CNTN3: variants seen among roughly 807,000 people sequenced by gnomAD.
CNTN3 encodes contactin 3.
Under a neutral mutation model 119.1 loss-of-function variants are expected in CNTN3, and 60 were observed. That is an observed-to-expected ratio of 0.50 (90% CI 0.41 to 0.62). The LOEUF is 0.62. CNTN3 is among the 20% of genes least tolerant of loss of function. CNTN3 has a pLI of 0.00. For missense variants in CNTN3, 1,101 were observed against 1,242.4 expected, an observed-to-expected ratio of 0.89 and a Z score of 1.71; for synonymous variants, 450 against 438.7, an observed-to-expected ratio of 1.03 and a Z score of -0.32.
chr3:74,323,094 A>C (rs1382314727), intron 13 of CNTN3, among the ~76,000 whole-genome samples: 1 of 152,184 alleles, frequency 6.6e-6, no homozygotes, highest in Non-Finnish European at 1.5e-5. Context: ...ACTTGCACCA[A>C]TAGAATGCAC....
intron 11 of CNTN3, among the ~76,000 whole-genome samples, chr3:74,344,974 G>C (rs1160423498): frequency 6.6e-6 from 1 of 152,042 alleles, no homozygotes; most frequent in Non-Finnish European, 1.5e-5. Flanking sequence ...ACCTCTGCTA[G>C]CAATTCCATT....
intron 12 of CNTN3, among the ~76,000 whole-genome samples, chr3:74,335,632 A>G (rs1703374968): frequency 1.3e-5 from 2 of 152,120 alleles, no homozygotes; most frequent in Non-Finnish European, 2.9e-5. Flanking sequence ...CAGTCTAGCC[A>G]GATTTTGGTC....
intron 1 of CNTN3, among the ~76,000 whole-genome samples, chr3:74,551,444 C>G (rs1213185223): frequency 6.6e-6 from 1 of 151,994 alleles, no homozygotes; most frequent in Non-Finnish European, 1.5e-5. Flanking sequence ...CAGGGTGGTA[C>G]ATTTGTTATA....
chr3:74,380,592 T>C (rs967119920), intron 5 of CNTN3, among the ~76,000 whole-genome samples: 4 of 152,238 alleles, frequency 2.6e-5, no homozygotes, highest in Admixed American at 1.3e-4. Context: ...AAATTTTCTT[T>C]AGTACAACCT....
At chr3:74,388,891 T>C (rs1704823506) in intron 5 of CNTN3, among the ~76,000 whole-genome samples, 1 of 152,216 alleles carries the variant, frequency 6.6e-6, no homozygotes, top group Admixed American at 6.5e-5. Context: ...TCATTTCTTA[T>C]GTTAGTTACC....
intron 11 of CNTN3, among the ~76,000 whole-genome samples, chr3:74,349,452 A>T (rs981916803): frequency 1.3e-5 from 2 of 152,238 alleles, no homozygotes; most frequent in Non-Finnish European, 2.9e-5. Context: ...TAGGTTGAGA[A>T]GAAAAGACAT....
intron 4 of CNTN3, among the ~76,000 whole-genome samples, chr3:74,447,663 C>T (rs1702072663): frequency 6.6e-6 from 1 of 152,124 alleles, no homozygotes; most frequent in Admixed American, 6.6e-5. Flanking sequence ...TGATGATACC[C>T]TCACCACCTG....
chr3:74,469,848 G>A (rs1702528447), intron 4 of CNTN3, among the ~76,000 whole-genome samples: 1 of 151,914 alleles, frequency 6.6e-6, no homozygotes, highest in Admixed American at 6.6e-5. Flanking sequence ...CCCACTCTTA[G>A]GTATGTATAT....
At chr3:74,581,152 A>G in intron 1 of CNTN3, among the ~76,000 whole-genome samples, 1 of 152,218 alleles carries the variant, frequency 6.6e-6, no homozygotes, top group African/African-American at 2.4e-5. Flanking sequence ...AGTCAAACTA[A>G]GAAAATAAAA....
intron 5 of CNTN3, among the ~76,000 whole-genome samples, chr3:74,419,455 T>C (rs1701583368): frequency 6.6e-6 from 1 of 152,208 alleles, no homozygotes; most frequent in Admixed American, 6.5e-5. Context: ...TCTGGGCATG[T>C]TGCTAACAGT....
At chr3:74,480,989 A>G (rs1441782419) in intron 4 of CNTN3, among the ~76,000 whole-genome samples, 1 of 151,948 alleles carries the variant, frequency 6.6e-6, no homozygotes, top group African/African-American at 2.4e-5. Flanking sequence ...GAACATAAAA[A>G]TCAGACCGTA....
chr3:74,509,691 T>C (rs1703330268), intron 2 of CNTN3, among the ~76,000 whole-genome samples: 1 of 152,166 alleles, frequency 6.6e-6, no homozygotes, highest in Non-Finnish European at 1.5e-5. Context: ...AATCTCTCTA[T>C]ACTTTTTTGG....
intron 4 of CNTN3, among the ~76,000 whole-genome samples, chr3:74,462,136 T>C (rs1026423836): frequency 6.6e-6 from 1 of 152,086 alleles, no homozygotes; most frequent in Non-Finnish European, 1.5e-5. Context: ...TTCATCCTGC[T>C]CCAGCTACTT....
At chr3:74,291,537 T>G (rs1178213339) in intron 19 of CNTN3, among the ~76,000 whole-genome samples, 12 of 152,132 alleles carry the variant, frequency 7.9e-5, no homozygotes, top group Non-Finnish European at 1.8e-4. Context: ...AGTGTTCCTC[T>G]CTACTAAAAA....
At chr3:74,487,915 C>G (rs75713880) in intron 3 of CNTN3, among the ~76,000 whole-genome samples, 20,081 of 150,786 alleles carry the variant, frequency 0.13, 1,342 homozygotes, top group African/African-American at 0.14. Flanking sequence ...ATACAGTTGA[C>G]GTTTATAATT....
At chr3:74,514,558 T>C (rs767000326) in intron 2 of CNTN3, among the ~76,000 whole-genome samples, 1 of 152,084 alleles carries the variant, frequency 6.6e-6, no homozygotes, top group Non-Finnish European at 1.5e-5. Context: ...TGCTTTAAAA[T>C]GATAAGAATA....
At chr3:74,576,908 C>T (rs1407154569) in intron 1 of CNTN3, among the ~76,000 whole-genome samples, 2 of 152,106 alleles carry the variant, frequency 1.3e-5, no homozygotes, top group Non-Finnish European at 2.9e-5. Context: ...GCTTATTTTA[C>T]TACTTCTCAG....
At chr3:74,443,208 T>A (rs1363916023) in intron 4 of CNTN3, among the ~76,000 whole-genome samples, 1 of 152,158 alleles carries the variant, frequency 6.6e-6, no homozygotes, top group Non-Finnish European at 1.5e-5. Context: ...CAGAGACAGC[T>A]GTAATTCCAG....
intron 4 of CNTN3, among the ~76,000 whole-genome samples, chr3:74,480,255 C>T (rs1198949974): frequency 2.0e-5 from 3 of 152,068 alleles, no homozygotes; most frequent in Admixed American, 6.6e-5. Context: ...TGGATGTGGG[C>T]TGGTTTGAGA....
Sources: allele counts gnomAD v4.1 joint callset (sites outside exome capture counted in the v4.1 genomes callset), GRCh38; gene constraint gnomAD v4.1.1; transcripts MANE v1.5; gene names NCBI Gene and HGNC (gene_info 2026-07-23, HGNC 2026-07-21).